ELAVL1: variants seen among roughly 807,000 people sequenced by gnomAD.
ELAVL1 encodes ELAV-like protein 1.
A neutral mutation model predicts 28.4 loss-of-function variants in ELAVL1; 1 was observed. The ratio of observed to expected loss-of-function variants is 0.04; its 90% CI spans 0.01 to 0.17. The LOEUF (loss-of-function observed/expected upper bound fraction) is 0.17. Among genes scored for constraint, ELAVL1 ranks in the 10% least tolerant of loss-of-function variants. The pLI is 1.00. For missense variants in ELAVL1, 157 were observed against 447.2 expected (o/e 0.35, Z 5.85); for synonymous variants, 174 against 183.5 (o/e 0.95, Z 0.42).
At chr19:8,000,105 C>T (rs1052055047) in intron 1 of ELAVL1, among the ~76,000 whole-genome samples, 4 of 151,568 alleles carry the variant, frequency 2.6e-5, no homozygotes, top group African/African-American at 7.3e-5. Context: ...GAGGCGGGGG[C>T]GGGGGGGTGT....
chr19:7,985,972 C>T (rs1319016511), intron 2 of ELAVL1, among the ~76,000 whole-genome samples: 4 of 152,230 alleles, frequency 2.6e-5, no homozygotes, highest in African/African-American at 4.8e-5. Flanking sequence ...GCTGCCTCTG[C>T]GGGGAGCACC....
chr19:8,005,291 G>A (rs1568319703), intron 1 of ELAVL1, among the ~76,000 whole-genome samples: 1 of 151,224 alleles, frequency 6.6e-6, no homozygotes, highest in East Asian at 1.9e-4. Context: ...AGAGGAATCC[G>A]GCCCCGGGGC....
Position 7,963,377 on chromosome 19 carries a change from C to A in ELAVL1, c.*106G>T. On this transcript the variant is annotated 3_prime_UTR_variant, in exon 6 of 6. Coordinates refer to ENST00000407627, the MANE Select transcript of ELAVL1 (RefSeq NM_001419.3). This position sits in a 1 kb window ranked among gnomAD's most constrained non-coding sequence, Gnocchi z 4.5. ...TTCTCACTTCTCATTCAGACAAAGA[C>A]AAACACTTGTGAAAATTGGCGCAAA... 1 of 1,348,734 alleles carries A rather than the reference C, an allele frequency of 7.4e-7. No homozygotes were observed. Among genetic ancestry groups the A allele is most frequent in the East Asian group, 2.3e-5 (1 of 42,786 alleles). The allele number at this position is 1,348,734 out of a possible 1,614,324, so 83.5% of individuals were successfully genotyped here.
In ELAVL1 at chr19:7,982,515, T is replaced by C. The variant is rs1985491058; in HGVS notation, c.173-1329A>G. On this transcript the variant is annotated intron_variant, in intron 2 of 5. Coordinates refer to ENST00000407627, the MANE Select transcript of ELAVL1 (RefSeq NM_001419.3). The surrounding 1 kb of genome is among the most constrained non-coding windows in gnomAD (Gnocchi z 4.3). ...AGAGCCTAACCCAGGTTTGCCACTTTCTTTTTAAAATGAATTTTATTTTTC... is the reference window on the plus strand; with the variant it reads ...AGAGCCTAACCCAGGTTTGCCACTTCCTTTTTAAAATGAATTTTATTTTTC... Among the ~76,000 whole-genome samples, 1 of 152,212 alleles carries C rather than the reference T, an allele frequency of 6.6e-6. No homozygotes were observed. Among genetic ancestry groups the C allele is most frequent in the Admixed American group, 6.5e-5 (1 of 15,282 alleles).
chr19:7,997,709 G>C (rs2081054246), intron 1 of ELAVL1, among the ~76,000 whole-genome samples: 1 of 152,048 alleles, frequency 6.6e-6, no homozygotes. Context: ...CAGAGGCCAA[G>C]GTGGGAGGAC....
chr19:7,977,234 T>C (rs1985324244), intron 3 of ELAVL1, among the ~76,000 whole-genome samples: 1 of 152,186 alleles, frequency 6.6e-6, no homozygotes, highest in Non-Finnish European at 1.5e-5. Flanking sequence ...TCCTGAGGCT[T>C]GGATCTCACA....
intron 1 of ELAVL1, 36 bp from the exon 2 acceptor site, chr19:7,991,867 T>G: frequency 6.4e-7 from 1 of 1,551,724 alleles, no homozygotes; most frequent in Non-Finnish European, 8.7e-7. Flanking sequence ...ATTCAAAATG[T>G]TCATATTGCA....
In ELAVL1 at chr19:7,960,649, A is replaced by G. The variant is rs1356073159; in HGVS notation, c.*2834T>C. 2.0e-5 allele frequency: 3 copies of G among 152,650 alleles called. No homozygotes were observed. Among genetic ancestry groups the G allele is most frequent in the South Asian group, 4.1e-4 (2 of 4,832 alleles). The allele number at this position is 152,650 out of a possible 1,614,324, so 9.5% of individuals were successfully genotyped here. A position where few individuals can be genotyped will look rare whatever the true frequency, so the allele number is the denominator to read the frequency against. On this transcript the variant is annotated 3_prime_UTR_variant, in exon 6 of 6. Transcript: ENST00000407627. ...TACACACGGGTCAAAAGGGAATTCA[A>G]TCAAAGCCTCTTTGGTATTTCCCAA...
At chr19:7,993,151 A>G (rs1406839149) in intron 1 of ELAVL1, among the ~76,000 whole-genome samples, 1 of 152,230 alleles carries the variant, frequency 6.6e-6, no homozygotes, top group Non-Finnish European at 1.5e-5. Context: ...TTTTTCTGTA[A>G]ACCTAAAACT....
chr19:7,996,316 G>A (rs1415146741), intron 1 of ELAVL1, among the ~76,000 whole-genome samples: 3 of 151,808 alleles, frequency 2.0e-5, no homozygotes, highest in African/African-American at 7.3e-5. Context: ...CAAGTAGCTG[G>A]GACTACAGGC....
chr19:7,974,311 GC>G (rs1404247199), intron 3 of ELAVL1, among the ~76,000 whole-genome samples: 1 of 152,260 alleles, frequency 6.6e-6, no homozygotes, highest in Non-Finnish European at 1.5e-5. Context: ...GAGCAAGCTC[GC>G]CACAGAAGCC....
At chr19:7,974,195 G>C (rs1197485893) in intron 3 of ELAVL1, among the ~76,000 whole-genome samples, 2 of 149,842 alleles carry the variant, frequency 1.3e-5, no homozygotes, top group African/African-American at 4.8e-5. Context: ...TGATGTGCTG[G>C]ACAGTGAGCC....
chr19:8,002,504 C>T (rs1410283427), intron 1 of ELAVL1, among the ~76,000 whole-genome samples: 1 of 152,236 alleles, frequency 6.6e-6, no homozygotes, highest in Non-Finnish European at 1.5e-5. Flanking sequence ...GGCTGGCTTC[C>T]GTTGGTCTTC....
chr19:7,982,382 A>G lies in ELAVL1; in HGVS notation c.173-1196T>C, dbSNP rs1162299973. The stretch of plus-strand genomic sequence containing the variant: ...GGCAGAGCGCGACAACGAGCAGGTC[A>G]CCGAACAGGAGGTGGCCTGGAGCCC... On this transcript the variant is annotated intron_variant, in intron 2 of 5. Transcript: ENST00000407627. This position sits in a 1 kb window ranked among gnomAD's most constrained non-coding sequence, Gnocchi z 4.3. Among the ~76,000 whole-genome samples the G allele has an allele frequency of 6.6e-6, 1 of 152,184 alleles. No individual in the cohort carries two copies. The highest frequency in any genetic ancestry group is 1.5e-5 in the Non-Finnish European group (1 of 68,034).
intron 1 of ELAVL1, among the ~76,000 whole-genome samples, chr19:7,997,638 A>G (rs546681519): frequency 2.6e-5 from 4 of 152,164 alleles, no homozygotes; most frequent in African/African-American, 7.2e-5. Context: ...ATTTTCCTAC[A>G]TGCAAATTTA....
rs1194332531 is a variant in ELAVL1, at chr19:7,981,800, G to A, written c.173-614C>T. Among the ~76,000 whole-genome samples, 1 of 152,210 alleles carries A rather than the reference G, an allele frequency of 6.6e-6. No individual in the cohort carries two copies. The highest frequency in any genetic ancestry group is 2.4e-5 in the African/African-American group (1 of 41,442). On this transcript the variant is annotated intron_variant, in intron 2 of 5. Coordinates refer to ENST00000407627, the MANE Select transcript of ELAVL1 (RefSeq NM_001419.3). The surrounding 1 kb of genome is among the most constrained non-coding windows in gnomAD (Gnocchi z 4.2). ...CCGTGGGTGCCGGCCGCTCTGTGGGGCCTGGGTGGTGAGGATGAGGAAGGC... is the reference window on the plus strand; with the variant it reads ...CCGTGGGTGCCGGCCGCTCTGTGGGACCTGGGTGGTGAGGATGAGGAAGGC...
intron 1 of ELAVL1, among the ~76,000 whole-genome samples, chr19:8,004,214 G>T (rs1177893598): frequency 6.6e-6 from 1 of 152,188 alleles, no homozygotes; most frequent in Non-Finnish European, 1.5e-5. Context: ...TGCCTACCAG[G>T]CACAGACCAC....
intron 2 of ELAVL1, among the ~76,000 whole-genome samples, chr19:7,988,149 C>T (rs559502511): frequency 3.9e-4 from 59 of 152,212 alleles, no homozygotes; most frequent in African/African-American, 1.4e-3. Flanking sequence ...GCCAAGGACA[C>T]GCCTAGATTT....
intron 3 of ELAVL1, among the ~76,000 whole-genome samples, chr19:7,977,311 C>T (rs1486665809): frequency 6.6e-6 from 1 of 152,240 alleles, no homozygotes; most frequent in African/African-American, 2.4e-5. Flanking sequence ...CCCGGTTTCA[C>T]ACCCTGGCTT....
Sources: gnomAD v4.1 joint callset for allele counts (sites outside exome capture counted in the v4.1 genomes callset) on GRCh38, gnomAD v4.1.1 for gene constraint, Gnocchi (gnomAD v3.1) non-coding constraint, MANE v1.5 for transcripts, NCBI Gene and HGNC (gene_info 2026-07-23, HGNC 2026-07-21) for gene names.